NOBOX: variants seen among roughly 807,000 people sequenced by gnomAD.
NOBOX encodes the protein NOBOX oogenesis homeobox.
In NOBOX, 46 loss-of-function variants were observed where a neutral mutation model predicts 60.2. The observed-to-expected ratio is 0.76, with a 90% CI of 0.60 to 0.98. NOBOX has a LOEUF of 0.98. NOBOX is among the 50% of genes least tolerant of loss of function. The pLI, the probability that NOBOX is intolerant of heterozygous loss-of-function variation, is 0.00. For missense variants in NOBOX, 880 were observed against 865.5 expected, an observed-to-expected ratio of 1.02 and a Z score of -0.21; for synonymous variants, 360 against 346.3, an observed-to-expected ratio of 1.04 and a Z score of -0.44.
At chr7:144,402,182 A>T (rs1489609566) in intron 2 of NOBOX, among the ~76,000 whole-genome samples, 1 of 69,504 alleles carries the variant, frequency 1.4e-5, no homozygotes, top group Non-Finnish European at 3.0e-5. Context: ...CCCCGCCCGC[A>T]CCCCCCACCC....
At chr7:144,397,618 A>AT in intron 9 of NOBOX, 77 bp from the exon 8 acceptor site, 2 of 1,283,894 alleles carry the variant, frequency 1.6e-6, no homozygotes, top group South Asian at 3.1e-5. Context: ...TCTACAACAG[A>AT]TCCCCCCGTG....
At chr7:144,404,218 A>G (rs1203099604) in intron 2 of NOBOX, among the ~76,000 whole-genome samples, 1 of 152,160 alleles carries the variant, frequency 6.6e-6, no homozygotes, top group African/African-American at 2.4e-5. Flanking sequence ...AAGCCTCAGT[A>G]TTAAGGAGCT....
intron 9 of NOBOX, 126 bp downstream of exon 7, chr7:144,398,156 G>A: frequency 1.2e-6 from 1 of 819,366 alleles, no homozygotes; most frequent in East Asian, 2.7e-5. Flanking sequence ...ATAGAACTAG[G>A]GGCAAACAGA....
intron 1 of NOBOX, chr7:144,410,090 G>C (rs1180754052): frequency 1.7e-6 from 2 of 1,168,788 alleles, no homozygotes; most frequent in African/African-American, 1.5e-5. Context: ...TCTGTCTTCT[G>C]TTCAGAGTGT....
chr7:144,403,273 G>T (rs1310479047), intron 2 of NOBOX, among the ~76,000 whole-genome samples: 1 of 152,110 alleles, frequency 6.6e-6, no homozygotes, highest in Non-Finnish European at 1.5e-5. Flanking sequence ...AGGAGAGCTT[G>T]TACTGTAGCA....
At position 144,398,544 on chromosome 7, in the gene NOBOX, C is replaced by T. The variant is rs1215158486; in HGVS notation, c.1512G>A (p.Glu504=). 6.5e-7 allele frequency: 1 copy of T among 1,536,410 alleles called. No homozygotes were observed. The highest frequency in any genetic ancestry group is 2.0e-5 in the Admixed American group (1 of 50,968). ...GGTTGCTCTGTTGGTAATCCTGGGG[C>T]TCCAGCTCCTCCAAATATGAACAGG... is the stretch of plus-strand genomic sequence containing the variant. Residue 504 remains glutamate (E), a synonymous_variant, in exon 9 of 10, where the codon GAG becomes GAA. Coordinates refer to ENST00000467773, the MANE Select transcript of NOBOX (RefSeq NM_001080413.3).
intron 1 of NOBOX, among the ~76,000 whole-genome samples, chr7:144,409,707 T>G (rs189714222): frequency 2.4e-4 from 37 of 152,296 alleles, no homozygotes; most frequent in Non-Finnish European, 4.3e-4. Context: ...TAATGGCTTT[T>G]AAAAAATAAA....
Position 144,401,981 on chromosome 7 carries a change from C to G in NOBOX, c.211-31G>C. Reference sequence around the variant, plus strand: ...GATGGACCAGGAAGACAAAGAGAAACAGATTGACAGAGATTCTGCTTCTCC... The same window carrying G: ...GATGGACCAGGAAGACAAAGAGAAAGAGATTGACAGAGATTCTGCTTCTCC... On this transcript the variant is annotated intron_variant, in intron 2 of 9. Coordinates refer to ENST00000467773, the MANE Select transcript of NOBOX (RefSeq NM_001080413.3). The surrounding 1 kb of genome is among the most constrained non-coding windows in gnomAD (Gnocchi z 4.2). 6.6e-7 allele frequency: 1 copy of G among 1,505,188 alleles called. No homozygotes were observed. Among genetic ancestry groups the G allele is most frequent in the Non-Finnish European group, 9.2e-7 (1 of 1,082,416 alleles). The allele number at this position is 1,505,188 out of a possible 1,614,324, so 93.2% of individuals were successfully genotyped here.
At chr7:144,398,179 C>T in intron 9 of NOBOX, 103 bp downstream of exon 7, 1 of 1,016,446 alleles carries the variant, frequency 9.8e-7, no homozygotes, top group South Asian at 1.4e-5. Context: ...GATTCATTCA[C>T]CACCCATGAC....
intron 2 of NOBOX, among the ~76,000 whole-genome samples, chr7:144,404,091 G>A (rs1456088353): frequency 6.6e-6 from 1 of 152,206 alleles, no homozygotes; most frequent in Non-Finnish European, 1.5e-5. Flanking sequence ...CCCTATGGAG[G>A]ACTCAGTCCT....
In NOBOX at chr7:144,401,200, G is replaced by T. The variant is rs2053935664; in HGVS notation, c.690C>A (p.His230Gln). 6.2e-7 allele frequency: 1 copy of T among 1,613,654 alleles called. No homozygotes were observed. Among genetic ancestry groups the T allele is most frequent in the African/African-American group, 1.3e-5 (1 of 74,926 alleles). Residue 230 changes from histidine (H) to glutamine (Q), a missense_variant, in exon 4 of 10, where the codon CAC becomes CAA. Transcript: ENST00000467773. This position sits in a 1 kb window ranked among gnomAD's most constrained non-coding sequence, Gnocchi z 4.2. Reference sequence around the variant, plus strand: ...GGCCTGACCCACAGGGCACTGGGTTGTGTGTGGCACGGGCTGAGTTAGGGG... The same window carrying T: ...GGCCTGACCCACAGGGCACTGGGTTTTGTGTGGCACGGGCTGAGTTAGGGG...
At chr7:144,407,280 A>G (rs372478853) in intron 1 of NOBOX, among the ~76,000 whole-genome samples, 299 of 152,342 alleles carry the variant, frequency 2.0e-3, no homozygotes, top group African/African-American at 6.9e-3. Flanking sequence ...CATTTTTTGA[A>G]GCAAAACCAC....
Position 144,401,100 on chromosome 7 carries a change from G to A in NOBOX, c.790C>T (p.Pro264Ser). 6.5e-7 allele frequency: 1 copy of A among 1,546,830 alleles called. No individual in the cohort carries two copies. The highest frequency in any genetic ancestry group is 1.3e-5 in the South Asian group (1 of 78,516). The change falls in exon 4 of 10, where the codon CCC (proline) becomes TCC (serine). Residue 264 changes from proline to serine, a missense_variant. Transcript: ENST00000467773. This position sits in a 1 kb window ranked among gnomAD's most constrained non-coding sequence, Gnocchi z 4.2. The stretch of plus-strand genomic sequence containing the variant: ...CTAATTTGGCAGGTCACTTCCGGGG[G>A]CCCCTGCTTGTGGTCTCTGTTTTGG...
At chr7:144,405,535 C>T (rs181586978) in intron 1 of NOBOX, among the ~76,000 whole-genome samples, 2 of 152,284 alleles carry the variant, frequency 1.3e-5, no homozygotes, top group Admixed American at 6.5e-5. Flanking sequence ...GAAGGTGACA[C>T]GTGGGCTATG....
In NOBOX at chr7:144,398,426, A is replaced by C; in HGVS notation, c.1630T>G (p.Ser544Ala). Reference sequence around the variant, plus strand: ...GGAAGCGTCAGTGAACTGGGCATGGAGAAGGGGAAAGTGGGGAGGTAGGGC... The same window carrying C: ...GGAAGCGTCAGTGAACTGGGCATGGCGAAGGGGAAAGTGGGGAGGTAGGGC... The change falls in exon 9 of 10, where the codon TCC becomes GCC. Residue 544 changes from serine to alanine, a missense_variant. Coordinates refer to ENST00000467773, the MANE Select transcript of NOBOX (RefSeq NM_001080413.3). 6.5e-7 allele frequency: 1 copy of C among 1,537,230 alleles called. No homozygotes were observed. The highest frequency in any genetic ancestry group is 8.7e-7 in the Non-Finnish European group (1 of 1,146,908).
In NOBOX at chr7:144,401,924, AG is replaced by A; in HGVS notation, c.236del (p.Pro79LeufsTer95). 6.2e-7 allele frequency: 1 copy of A among 1,612,746 alleles called. No homozygotes were observed. Among genetic ancestry groups the A allele is most frequent in the South Asian group, 1.1e-5 (1 of 91,040 alleles). On this transcript the variant is annotated frameshift_variant, in exon 3 of 10. Transcript: ENST00000467773. LOFTEE classifies it high-confidence loss of function. The surrounding 1 kb of genome is among the most constrained non-coding windows in gnomAD (Gnocchi z 4.2). The stretch of plus-strand genomic sequence containing the variant: ...GGGGTATGAGTTTGAGGGACTGTTC[AG>A]GTATCTCTAAGGGATCATGTTGGGG...
In NOBOX at chr7:144,401,572, C is replaced by A. The variant is rs374496577; in HGVS notation, c.318G>T (p.Leu106=). Residue 106 remains leucine (L), a synonymous_variant, in exon 4 of 10, where the codon CTG becomes CTT. Transcript: ENST00000467773. The surrounding 1 kb of genome is among the most constrained non-coding windows in gnomAD (Gnocchi z 4.2). ...GTTCCTCCTCCCCGGGTCCTGCAGC[C>A]AGGGGCTTCTCTCCAGCTTTCTGGC... is the stretch of plus-strand genomic sequence containing the variant. 26 of 1,508,888 alleles carry A rather than the reference C, an allele frequency of 1.7e-5. No homozygotes were observed. In the East Asian group the frequency reaches 3.9e-4, roughly 22 times the overall value. 93.5% of individuals were successfully genotyped at this position (1,508,888 alleles called of 1,614,324 possible).
In NOBOX at chr7:144,401,343, C is replaced by A; in HGVS notation, c.547G>T (p.Glu183Ter). 6.2e-7 allele frequency: 1 copy of A among 1,613,742 alleles called. No homozygotes were observed. The highest frequency in any genetic ancestry group is 8.5e-7 in the Non-Finnish European group (1 of 1,179,774). The change falls in exon 4 of 10, where the codon GAA (glutamate) becomes TAA (stop). Residue 183 changes from glutamate to a stop codon, truncating the protein, a stop_gained. Transcript: ENST00000467773. LOFTEE classifies it high-confidence loss of function. This position sits in a 1 kb window ranked among gnomAD's most constrained non-coding sequence, Gnocchi z 4.2. ...TCTCCCACTGGGAGGGAACAATCTTCCCCCTGAGTCTGGGGCCTGGAGCGG... is the reference window on the plus strand; with the variant it reads ...TCTCCCACTGGGAGGGAACAATCTTACCCCTGAGTCTGGGGCCTGGAGCGG...
chr7:144,408,060 G>C (rs1474397385), intron 1 of NOBOX, among the ~76,000 whole-genome samples: 2 of 151,894 alleles, frequency 1.3e-5, no homozygotes, highest in East Asian at 3.9e-4. Context: ...TGGCATTCAA[G>C]GACCCCTCAA....
Sources: gnomAD v4.1 joint callset for allele counts (sites outside exome capture counted in the v4.1 genomes callset) on GRCh38, gnomAD v4.1.1 for gene constraint, Gnocchi (gnomAD v3.1) non-coding constraint, MANE v1.5 for transcripts, NCBI Gene and HGNC (gene_info 2026-07-23, HGNC 2026-07-21) for gene names.